Variants in PREP observed in about 807,000 individuals in gnomAD.
PREP encodes the protein prolyl endopeptidase.
A neutral mutation model predicts 87.6 loss-of-function variants in PREP; 29 were observed. The observed-to-expected ratio is 0.33, with a 90% CI of 0.25 to 0.45. The LOEUF (loss-of-function observed/expected upper bound fraction) is 0.45, where lower values mean the gene tolerates loss of function less well. Ranked by LOEUF, PREP falls within the 20% of genes least tolerant of loss-of-function variation. The pLI is 1.00. For missense variants in PREP, 695 were observed against 886.5 expected (o/e 0.78, Z 2.74); for synonymous variants, 337 against 328.6 (o/e 1.03, Z -0.28).
intron 4 of PREP, among the ~76,000 whole-genome samples, chr6:105,374,312 T>A (rs528160910): frequency 3.3e-5 from 5 of 152,326 alleles, no homozygotes; most frequent in African/African-American, 7.2e-5. Flanking sequence ...TTAGCTTTTT[T>A]AATTATGAAG....
At chr6:105,331,975 C>T (rs1460809831) in intron 8 of PREP, among the ~76,000 whole-genome samples, 2 of 152,096 alleles carry the variant, frequency 1.3e-5, no homozygotes, top group Non-Finnish European at 2.9e-5. Flanking sequence ...GCCTGGAAAT[C>T]CAAAAGGCAG....
intron 7 of PREP, among the ~76,000 whole-genome samples, chr6:105,334,738 C>G (rs1263580850): frequency 6.6e-6 from 1 of 151,956 alleles, no homozygotes; most frequent in Non-Finnish European, 1.5e-5. Context: ...ACAACAACAA[C>G]AGAGATGCGG....
intron 6 of PREP, among the ~76,000 whole-genome samples, chr6:105,366,891 G>A (rs1401593397): frequency 6.6e-6 from 1 of 152,212 alleles, no homozygotes; most frequent in Non-Finnish European, 1.5e-5. Flanking sequence ...AATACAAAGG[G>A]ACAGAAAGTA....
chr6:105,341,093 C>T (rs1276937473), intron 7 of PREP, among the ~76,000 whole-genome samples: 1 of 152,124 alleles, frequency 6.6e-6, no homozygotes. Context: ...ATAAATTCTT[C>T]TCAGCACATT....
chr6:105,306,526 TGCTCACA>T (rs1770661861), intron 10 of PREP, among the ~76,000 whole-genome samples: 1 of 152,152 alleles, frequency 6.6e-6, no homozygotes, highest in South Asian at 2.1e-4. Flanking sequence ...CATAGTCAAA[TGCTCACA>T]GCCAATCCCA....
intron 8 of PREP, among the ~76,000 whole-genome samples, chr6:105,329,356 T>A (rs1771259782): frequency 6.6e-6 from 1 of 152,156 alleles, no homozygotes; most frequent in African/African-American, 2.4e-5. Context: ...TTTCACTATG[T>A]AGGCCAAACT....
chr6:105,342,451 C>A (rs1771682186), intron 7 of PREP, among the ~76,000 whole-genome samples: 2 of 152,196 alleles, frequency 1.3e-5, no homozygotes, highest in African/African-American at 4.8e-5. Flanking sequence ...AAACTGGAAG[C>A]ATTCCCTTTG....
At position 105,309,119 on chromosome 6, in the gene PREP, A is replaced by G. The variant is rs75839961; in HGVS notation, c.1317+14546T>C. On this transcript the variant is annotated intron_variant, in intron 10 of 14. Transcript: ENST00000652536. ...GAGAGTGGCAGGAGATGAGTGAGGG[A>G]GAGGGCAGGGGCCAGGCTGGTGGGG... Among the ~76,000 whole-genome samples, 1,026 of 152,126 alleles carry G rather than the reference A, an allele frequency of 6.7e-3. 66 individuals are homozygous for G. In the East Asian group the frequency reaches 0.13, roughly 19 times the overall value.
intron 1 of PREP, among the ~76,000 whole-genome samples, chr6:105,399,911 G>C (rs1457209161): frequency 6.6e-6 from 1 of 152,124 alleles, no homozygotes; most frequent in Non-Finnish European, 1.5e-5. Context: ...GGCCAGAATA[G>C]ACACTTAAAA....
At chr6:105,323,005 C>A (rs1050496526) in intron 10 of PREP, 2 of 1,303,450 alleles carry the variant, frequency 1.5e-6, no homozygotes, top group East Asian at 5.5e-5. Context: ...TTGATAAACA[C>A]CTGGTGCCCT....
intron 1 of PREP, among the ~76,000 whole-genome samples, chr6:105,400,245 G>C (rs764984497): frequency 2.6e-5 from 4 of 152,068 alleles, no homozygotes; most frequent in African/African-American, 9.7e-5. Context: ...TAAAAATAGA[G>C]CCCTGATAAG....
At chr6:105,362,985 G>A (rs987617194) in intron 6 of PREP, among the ~76,000 whole-genome samples, 1 of 152,126 alleles carries the variant, frequency 6.6e-6, no homozygotes, top group Non-Finnish European at 1.5e-5. Context: ...GAAGAGTAAG[G>A]AAATTAACAT....
At chr6:105,386,692 A>T (rs1211738064) in intron 2 of PREP, among the ~76,000 whole-genome samples, 2 of 152,242 alleles carry the variant, frequency 1.3e-5, no homozygotes, top group Non-Finnish European at 2.9e-5. Flanking sequence ...TAATCTAAGT[A>T]TTCCCTAGGG....
At chr6:105,383,761 T>A (rs761230573) in intron 2 of PREP, among the ~76,000 whole-genome samples, 30 of 152,284 alleles carry the variant, frequency 2.0e-4, no homozygotes, top group Non-Finnish European at 3.8e-4. Flanking sequence ...TCCGACCTGA[T>A]ATTCAAGCCT....
intron 6 of PREP, among the ~76,000 whole-genome samples, chr6:105,356,841 T>C (rs963263794): frequency 6.6e-6 from 1 of 152,236 alleles, no homozygotes; most frequent in African/African-American, 2.4e-5. Flanking sequence ...TATCATTATG[T>C]CTTAAACAAG....
intron 2 of PREP, among the ~76,000 whole-genome samples, chr6:105,393,462 T>G (rs1189854929): frequency 6.6e-6 from 1 of 152,150 alleles, no homozygotes; most frequent in Admixed American, 6.5e-5. Context: ...ATATTGCTAT[T>G]TTATAGCAAA....
At chr6:105,369,764 A>T (rs936268958) in intron 5 of PREP, among the ~76,000 whole-genome samples, 126 of 152,344 alleles carry the variant, frequency 8.3e-4, no homozygotes, top group African/African-American at 2.7e-3. Flanking sequence ...AATGTAAAAC[A>T]TAAAACTATA....
At chr6:105,300,000 G>A (rs1208565020) in intron 10 of PREP, among the ~76,000 whole-genome samples, 9 of 151,688 alleles carry the variant, frequency 5.9e-5, no homozygotes, top group African/African-American at 2.2e-4. Context: ...AGGTTCAAGC[G>A]ATTCTCCTGC....
chr6:105,322,468 C>T, intron 10 of PREP: 2 of 985,474 alleles, frequency 2.0e-6, no homozygotes, highest in Non-Finnish European at 2.4e-6. Flanking sequence ...GCCTGTCTGA[C>T]AGAGCTTCTT....
Sources: allele counts gnomAD v4.1 joint callset (sites outside exome capture counted in the v4.1 genomes callset), GRCh38; gene constraint gnomAD v4.1.1; transcripts MANE v1.5; gene names NCBI Gene and HGNC (gene_info 2026-07-23, HGNC 2026-07-21).